TEX15: variants seen among roughly 807,000 people sequenced by gnomAD.
TEX15 encodes the protein testis expressed 15, meiosis and synapsis associated.
A neutral mutation model predicts 237.3 loss-of-function variants in TEX15; 171 were observed. The observed-to-expected ratio is 0.72, with a 90% CI of 0.64 to 0.82. TEX15 has a LOEUF of 0.82. Ranked by LOEUF, TEX15 falls within the 40% of genes least tolerant of loss-of-function variation. The probability of loss-of-function intolerance (pLI) is 0.00; values close to 1 mark genes in which losing one functional copy is unlikely to be tolerated. For synonymous variants in TEX15, 1,338 were observed against 1,269.8 expected, an observed-to-expected ratio of 1.05 and a Z score of -1.14; for missense variants, 3,750 against 3,646.5, an observed-to-expected ratio of 1.03 and a Z score of -0.73.
Position 30,845,534 on chromosome 8 carries a change from C to T in TEX15, c.4633G>A (p.Glu1545Lys), listed in dbSNP as rs771670567. The change falls in exon 8 of 11, where the codon GAA becomes AAA. Residue 1545 changes from glutamate to lysine, a missense_variant. Transcript: ENST00000643185. ...NSSVSNPSLSEEHQPFSGKTA... is the reference protein window; with the variant it reads ...NSSVSNPSLSKEHQPFSGKTA... ...TTTCCAGAAAAGGGCTGATGTTCTT[C>T]TGATAAACTTGGATTGCTTACACTG... 1 of 1,613,600 alleles carries T rather than the reference C, an allele frequency of 6.2e-7. No individual in the cohort carries two copies. Among genetic ancestry groups the T allele is most frequent in the Non-Finnish European group, 8.5e-7 (1 of 1,179,614 alleles).
intron 4 of TEX15, among the ~76,000 whole-genome samples, chr8:30,873,654 C>T (rs892707301): frequency 3.3e-5 from 5 of 152,112 alleles, no homozygotes; most frequent in African/African-American, 1.2e-4. Flanking sequence ...GTTGGGTTAT[C>T]ATTGACTTCA....
At chr8:30,909,608 T>C (rs1310070101) in intron 1 of TEX15, among the ~76,000 whole-genome samples, 2 of 152,214 alleles carry the variant, frequency 1.3e-5, no homozygotes, top group Non-Finnish European at 2.9e-5. Context: ...TTTGCTTAGT[T>C]TGTCATGTGA....
chr8:30,887,261 T>C lies in TEX15; in HGVS notation c.42A>G (p.Gln14=), dbSNP rs113444427. The C allele has an allele frequency of 9.5e-5, 146 of 1,536,016 alleles. 1 individual carries two copies. The highest frequency in any genetic ancestry group is 1.6e-4 in the African/African-American group (12 of 73,172). The change falls in exon 3 of 11, where the codon CAA becomes CAG. Residue 14 remains glutamine (Q), a synonymous_variant. Transcript: ENST00000643185. Reference sequence around the variant, plus strand: ...ACACGGGTTTGCTAGTTGAGCTCATTTGCCACAGTGTATCCTGTTTAGCAG... The same window carrying C: ...ACACGGGTTTGCTAGTTGAGCTCATCTGCCACAGTGTATCCTGTTTAGCAG... The part of the protein sequence containing the change: ...KETAKQDTLW[Q]MSSTSKPVLN...
At position 30,845,249 on chromosome 8, in the gene TEX15, T is replaced by A. The variant is rs143493592; in HGVS notation, c.4918A>T (p.Ile1640Leu). ...STGNDCDATC[I>L]GHTKAKTDVL... ...TCAGTTTTCGCCTTTGTGTGACCTA[T>A]GCAAGTTGCATCACAATCGTTGCCT... Residue 1640 changes from isoleucine (I) to leucine (L), a missense_variant, in exon 8 of 11, where the codon ATA becomes TTA. By Grantham distance (5) the Ile-to-Leu change is conservative. Coordinates refer to ENST00000643185, the MANE Select transcript of TEX15 (RefSeq NM_001350162.2). 44 of 1,613,554 alleles carry A rather than the reference T, an allele frequency of 2.7e-5. No individual in the cohort carries two copies. The highest frequency in any genetic ancestry group is 3.6e-5 in the Non-Finnish European group (43 of 1,179,536).
At chr8:30,851,732 T>A (rs1001432144) in intron 7 of TEX15, among the ~76,000 whole-genome samples, 1 of 151,800 alleles carries the variant, frequency 6.6e-6, no homozygotes. Flanking sequence ...AGGTCAGGAG[T>A]TCGAGACCAG....
Position 30,864,846 on chromosome 8 carries a change from T to C in TEX15, c.540+2419A>G, listed in dbSNP as rs323365. Among the ~76,000 whole-genome samples the C allele has an allele frequency of 9.0e-4, 137 of 152,086 alleles. 1 individual carries two copies. Among genetic ancestry groups the C allele is most frequent in the Non-Finnish European group, 1.6e-3 (107 of 67,954 alleles). On this transcript the variant is annotated intron_variant, in intron 5 of 10. Transcript: ENST00000643185. The stretch of plus-strand genomic sequence containing the variant: ...GTGGGATTATCAAAAATTCAAAATG[T>C]GGGAAGAAAAGAAAATTGGTGTGTA...
chr8:30,834,589 C>T (rs1585275762), intron 10 of TEX15, among the ~76,000 whole-genome samples: 1 of 152,118 alleles, frequency 6.6e-6, no homozygotes, highest in East Asian at 1.9e-4. Context: ...ATTACAATAC[C>T]ACCTAATACT....
intron 1 of TEX15, among the ~76,000 whole-genome samples, chr8:30,906,204 T>C (rs943524771): frequency 2.6e-5 from 4 of 152,212 alleles, no homozygotes; most frequent in African/African-American, 9.6e-5. Context: ...CACAGTTTAA[T>C]GTTAATCATC....
chr8:30,912,125 C>T (rs1809234126), intron 1 of TEX15, among the ~76,000 whole-genome samples: 1 of 152,234 alleles, frequency 6.6e-6, no homozygotes, highest in African/African-American at 2.4e-5. Flanking sequence ...CAGCTACCCC[C>T]GCGCCGCCCT....
chr8:30,884,538 A>G (rs1026406226), intron 3 of TEX15, among the ~76,000 whole-genome samples: 13 of 152,170 alleles, frequency 8.5e-5, no homozygotes, highest in Admixed American at 1.3e-4. Context: ...TTCAGATCAT[A>G]TATTTCTTCT....
intron 2 of TEX15, among the ~76,000 whole-genome samples, chr8:30,891,540 C>T (rs530647799): frequency 9.9e-5 from 15 of 151,316 alleles, no homozygotes; most frequent in African/African-American, 3.6e-4. Flanking sequence ...AGTGAAGTGG[C>T]GTGATCTCAG....
intron 3 of TEX15, 43 bp downstream of exon 3, chr8:30,887,124 C>T (rs1310118466): frequency 4.1e-6 from 6 of 1,471,086 alleles, no homozygotes; most frequent in Non-Finnish European, 5.4e-6. Context: ...CAGAGAAATA[C>T]AGTAATAGTT....
In TEX15 at chr8:30,837,012, A is replaced by G. The variant is rs780809478; in HGVS notation, c.9272T>C (p.Leu3091Pro). The change falls in exon 10 of 11, where the codon CTT becomes CCT. Residue 3091 changes from leucine to proline, a missense_variant. By Grantham distance (98) the Leu-to-Pro change is moderately conservative. Coordinates refer to ENST00000643185, the MANE Select transcript of TEX15 (RefSeq NM_001350162.2). Reference protein sequence around the residue: ...ASTAQGTHSNLLYSQYFTYFA... With the variant: ...ASTAQGTHSNPLYSQYFTYFA... Reference sequence around the variant, plus strand: ...ATAAGTAAAATATTGAGAGTACAGAAGATTAGAATGTGTGCCCTGGGCAGT... The same window carrying G: ...ATAAGTAAAATATTGAGAGTACAGAGGATTAGAATGTGTGCCCTGGGCAGT... 8.1e-6 allele frequency: 13 copies of G among 1,614,156 alleles called. No homozygotes were observed. Among genetic ancestry groups the G allele is most frequent in the Non-Finnish European group, 1.1e-5 (13 of 1,180,022 alleles).
In TEX15 at chr8:30,860,021, C is replaced by T; in HGVS notation, c.577G>A (p.Val193Met). 1.3e-6 allele frequency: 2 copies of T among 1,482,370 alleles called. No homozygotes were observed. The highest frequency in any genetic ancestry group is 1.3e-5 in the South Asian group (1 of 74,322). 91.8% of individuals were successfully genotyped at this position (1,482,370 alleles called of 1,614,324 possible). ...FGKVKKIQPSVDKNKVSLDPS... is the reference protein window; with the variant it reads ...FGKVKKIQPSMDKNKVSLDPS... ...TCCAAAGAAACTTTATTTTTATCCA[C>T]AGAAGGTTGGATTTTCTTCACTTTT... is the stretch of plus-strand genomic sequence containing the variant. Residue 193 changes from valine (V) to methionine (M), a missense_variant, in exon 6 of 11, where the codon GTG becomes ATG. Val to Met is a conservative substitution (Grantham distance 21). Coordinates refer to ENST00000643185, the MANE Select transcript of TEX15 (RefSeq NM_001350162.2).
chr8:30,863,998 T>C (rs1808104885), intron 5 of TEX15, among the ~76,000 whole-genome samples: 1 of 151,964 alleles, frequency 6.6e-6, no homozygotes, highest in Non-Finnish European at 1.5e-5. Context: ...AAAGACCTGA[T>C]GGCTGATCTA....
intron 1 of TEX15, among the ~76,000 whole-genome samples, chr8:30,903,235 CTAAT>C (rs1035441322): frequency 2.0e-5 from 3 of 152,164 alleles, no homozygotes; most frequent in Non-Finnish European, 2.9e-5. Context: ...CTGTATCTAT[CTAAT>C]TATATAGTCA....
At position 30,837,621 on chromosome 8, in the gene TEX15, A is replaced by C; in HGVS notation, c.8663T>G (p.Val2888Gly). The C allele has an allele frequency of 1.2e-6, 2 of 1,614,162 alleles. No individual in the cohort carries two copies. The highest frequency in any genetic ancestry group is 1.7e-6 in the Non-Finnish European group (2 of 1,180,004). ...DINPETDVSL[V>G]PDASVLSKPI... ...CTTTGAGAGCACCGACGCATCAGGC[A>C]CAAGAGAAACATCAGTTTCTGGGTT... Residue 2888 changes from valine (V) to glycine (G), a missense_variant, in exon 10 of 11, where the codon GTG becomes GGG. Coordinates refer to ENST00000643185, the MANE Select transcript of TEX15 (RefSeq NM_001350162.2).
chr8:30,835,225 T>C (rs1207734689), intron 10 of TEX15, among the ~76,000 whole-genome samples: 1 of 151,928 alleles, frequency 6.6e-6, no homozygotes, highest in Non-Finnish European at 1.5e-5. Flanking sequence ...ATGCCTCACC[T>C]TCCTGAGTAG....
chr8:30,858,052 A>G (rs1369210262), intron 7 of TEX15, among the ~76,000 whole-genome samples: 2 of 152,240 alleles, frequency 1.3e-5, no homozygotes, highest in African/African-American at 2.4e-5. Flanking sequence ...TATTTAAAAT[A>G]GCAATGTTTG....
Sources: gnomAD v4.1 joint callset for allele counts (sites outside exome capture counted in the v4.1 genomes callset) on GRCh38, gnomAD v4.1.1 for gene constraint, MANE v1.5 for transcripts, NCBI Gene and HGNC (gene_info 2026-07-23, HGNC 2026-07-21) for gene names.